Variants in OSER1 observed in about 807,000 individuals in gnomAD.
OSER1 encodes oxidative stress-responsive serine-rich protein 1.
Under a neutral mutation model 26.3 loss-of-function variants are expected in OSER1, and 15 were observed. The observed-to-expected ratio is 0.57, with a 90% confidence interval of 0.38 to 0.88. OSER1 has a LOEUF of 0.88. Ranked by LOEUF, OSER1 falls within the 40% of genes least tolerant of loss-of-function variation. The pLI, the probability that OSER1 is intolerant of heterozygous loss-of-function variation, is 0.00. For missense variants in OSER1, 313 were observed against 353.9 expected (o/e 0.88, Z 0.93); for synonymous variants, 127 against 128.2 (o/e 0.99, Z 0.07).
At chr20:44,207,780 C>G (rs1036446198) in intron 1 of OSER1, among the ~76,000 whole-genome samples, 4 of 152,086 alleles carry the variant, frequency 2.6e-5, no homozygotes, top group African/African-American at 9.7e-5. Context: ...AGACGCACCA[C>G]TAAATGATCT....
intron 1 of OSER1, among the ~76,000 whole-genome samples, chr20:44,208,655 A>G (rs1170532555): frequency 6.6e-6 from 1 of 152,198 alleles, no homozygotes; most frequent in Non-Finnish European, 1.5e-5. Context: ...GCAATCACTT[A>G]TTTCAATATT....
chr20:44,198,081 A>C lies in OSER1; in HGVS notation c.192-342T>G, dbSNP rs531439840. 4.6e-5 allele frequency among the ~76,000 whole-genome samples: 7 copies of C among 152,204 alleles called. No individual in the cohort carries two copies. In the South Asian group the frequency reaches 1.2e-3, roughly 27 times the overall value. The stretch of plus-strand genomic sequence containing the variant: ...TCTGAGGGAAGCACCTCAAACATAC[A>C]ACTGAAACCGATCCTGTGAAGCCTA... On this transcript the variant is annotated intron_variant, in intron 3 of 3. Coordinates refer to ENST00000255174, the MANE Select transcript of OSER1 (RefSeq NM_016470.8).
At chr20:44,199,974 G>C (rs1242806892) in intron 3 of OSER1, among the ~76,000 whole-genome samples, 2 of 152,220 alleles carry the variant, frequency 1.3e-5, no homozygotes, top group Non-Finnish European at 2.9e-5. Flanking sequence ...CTGTGGGTCA[G>C]ATCTGGCTCC....
chr20:44,208,384 G>A (rs1481763040), intron 1 of OSER1, among the ~76,000 whole-genome samples: 1 of 147,832 alleles, frequency 6.8e-6, no homozygotes, highest in African/African-American at 2.6e-5. Flanking sequence ...AGAGCTCTCT[G>A]GGGAACACTG....
intron 3 of OSER1, among the ~76,000 whole-genome samples, chr20:44,199,015 C>A (rs1466523911): frequency 3.3e-5 from 5 of 152,292 alleles, no homozygotes; most frequent in Admixed American, 6.5e-5. Context: ...GTTATTAGAT[C>A]AACTACCATG....
intron 2 of OSER1, among the ~76,000 whole-genome samples, chr20:44,205,230 T>C (rs888378054): frequency 1.8e-4 from 27 of 152,226 alleles, no homozygotes; most frequent in Non-Finnish European, 4.4e-5. Context: ...GAGATTTGTA[T>C]GTATAATTGT....
chr20:44,202,761 T>C (rs115580272), intron 3 of OSER1, among the ~76,000 whole-genome samples, 200 bp downstream of exon 3: 413 of 152,054 alleles, frequency 2.7e-3, no homozygotes, highest in African/African-American at 9.5e-3. Context: ...CAAACAGACA[T>C]AGAATATTTG....
At chr20:44,203,153 A>G (rs2073000551) in intron 2 of OSER1, 79 bp from the exon 3 acceptor site, 2 of 651,322 alleles carry the variant, frequency 3.1e-6, no homozygotes, top group Non-Finnish European at 2.7e-6. Flanking sequence ...GCTCAAATAC[A>G]ACTTTTATCA....
At position 44,196,057 on chromosome 20, in the gene OSER1, A is replaced by C. The variant is rs903186620; in HGVS notation, c.*995T>G. 3.9e-5 allele frequency among the ~76,000 whole-genome samples: 6 copies of C among 152,338 alleles called. No homozygotes were observed. Among genetic ancestry groups the C allele is most frequent in the African/African-American group, 1.4e-4 (6 of 41,574 alleles). Reference sequence around the variant, plus strand: ...TGGCTCTGCTCAGGATGGTCTGAACACATGCAACATTCTTTTTGGAGCCAC... The same window carrying C: ...TGGCTCTGCTCAGGATGGTCTGAACCCATGCAACATTCTTTTTGGAGCCAC... On this transcript the variant is annotated 3_prime_UTR_variant, in exon 4 of 4. Transcript: ENST00000255174.
intron 2 of OSER1, among the ~76,000 whole-genome samples, chr20:44,205,817 G>A (rs967173660): frequency 3.3e-5 from 5 of 152,010 alleles, no homozygotes; most frequent in African/African-American, 7.2e-5. Flanking sequence ...GTGGCCGCCT[G>A]TAGTCCCAGC....
rs567839198 is a variant in OSER1, at chr20:44,206,916, C to T, written c.42G>A (p.Gln14=). Residue 14 remains glutamine (Q), a synonymous_variant, in exon 2 of 4, where the codon CAG becomes CAA. Transcript: ENST00000255174. ...EAKDGEEESL[Q]TAFKKLRVDA... ...CCACTCTTAATTTTTTGAAAGCAGT[C>T]TGTAGACTCTCCTCCTCTCCATCCT... The T allele has an allele frequency of 1.0e-4, 162 of 1,584,862 alleles. No individual in the cohort carries two copies. Among genetic ancestry groups the T allele is most frequent in the Non-Finnish European group, 3.3e-5 (38 of 1,153,806 alleles).
intron 3 of OSER1, among the ~76,000 whole-genome samples, chr20:44,199,431 C>CCATG (rs1160491347): frequency 6.6e-6 from 1 of 152,132 alleles, no homozygotes; most frequent in African/African-American, 2.4e-5. Context: ...GATGCTGGTG[C>CCATG]CATGCTCTTA....
chr20:44,205,926 C>T (rs1159433809), intron 2 of OSER1, among the ~76,000 whole-genome samples: 2 of 127,074 alleles, frequency 1.6e-5, no homozygotes, highest in African/African-American at 6.4e-5. Flanking sequence ...GGCGACAGGG[C>T]CAGAATCCGT....
rs1044771495 is a variant in OSER1 at position 44,202,876 on chromosome 20, C to T, written c.191+85G>A. 2.0e-5 allele frequency: 15 copies of T among 737,118 alleles called. No homozygotes were observed. The South Asian group carries it at 2.4e-4, about 12-fold the overall frequency. The allele number at this position is 737,118 out of a possible 1,614,324, so 45.7% of individuals were successfully genotyped here. A position where few individuals can be genotyped will look rare whatever the true frequency, so the allele number is the denominator to read the frequency against. On this transcript the variant is annotated intron_variant, in intron 3 of 3. Coordinates refer to ENST00000255174, the MANE Select transcript of OSER1 (RefSeq NM_016470.8). Reference sequence around the variant, plus strand: ...TGGGTCTTAGGTTCTATATCATAACCTAACTCTTTTCTGGACACTCAGAAA... The same window carrying T: ...TGGGTCTTAGGTTCTATATCATAACTTAACTCTTTTCTGGACACTCAGAAA...
chr20:44,209,810 C>G (rs753507502), intron 1 of OSER1, among the ~76,000 whole-genome samples: 3 of 152,200 alleles, frequency 2.0e-5, no homozygotes, highest in African/African-American at 7.2e-5. Flanking sequence ...TAGGTCTACA[C>G]TTCCAGGCCC....
At chr20:44,206,017 T>C (rs1054111756) in intron 2 of OSER1, among the ~76,000 whole-genome samples, 1 of 150,886 alleles carries the variant, frequency 6.6e-6, no homozygotes, top group Non-Finnish European at 1.5e-5. Context: ...CTCTGCAACG[T>C]CCTACCAATG....
rs777251819 is a variant in OSER1, at chr20:44,197,516, C to T, written c.415G>A (p.Asp139Asn). Residue 139 changes from aspartate (D) to asparagine (N), a missense_variant, in exon 4 of 4, where the codon GAT (aspartate) becomes AAT (asparagine). Coordinates refer to ENST00000255174, the MANE Select transcript of OSER1 (RefSeq NM_016470.8). The part of the protein sequence containing the change: ...FSAGESSTSL[D>N]ANHTGAVVEP... Reference sequence around the variant, plus strand: ...ACGACTGCCCCTGTGTGATTAGCATCGAGAGAAGTAGAGCTTTCTCCTGCA... The same window carrying T: ...ACGACTGCCCCTGTGTGATTAGCATTGAGAGAAGTAGAGCTTTCTCCTGCA... 3 of 1,614,068 alleles carry T rather than the reference C, an allele frequency of 1.9e-6. No homozygotes were observed. Among genetic ancestry groups the T allele is most frequent in the Non-Finnish European group, 2.5e-6 (3 of 1,179,962 alleles).
intron 3 of OSER1, among the ~76,000 whole-genome samples, chr20:44,197,952 A>T (rs932080436): frequency 2.6e-5 from 4 of 152,184 alleles, no homozygotes; most frequent in African/African-American, 4.8e-5. Flanking sequence ...CTATAGAACG[A>T]GGTGAGATAA....
intron 3 of OSER1, among the ~76,000 whole-genome samples, chr20:44,200,523 A>G (rs2072970016): frequency 6.6e-6 from 1 of 152,192 alleles, no homozygotes; most frequent in African/African-American, 2.4e-5. Context: ...GGTGCTTTAC[A>G]AAAAAAGTTT....
Sources: allele counts gnomAD v4.1 joint callset (sites outside exome capture counted in the v4.1 genomes callset), GRCh38; gene constraint gnomAD v4.1.1; transcripts MANE v1.5; gene names NCBI Gene and HGNC (gene_info 2026-07-23, HGNC 2026-07-21).